Variants in THSD7B observed in about 807,000 individuals in gnomAD.
The protein encoded by THSD7B is thrombospondin type 1 domain containing 7B.
In THSD7B, 138 loss-of-function variants were observed where a neutral mutation model predicts 213.6. The ratio of observed to expected loss-of-function variants is 0.65; its 90% CI spans 0.56 to 0.74. The LOEUF (loss-of-function observed/expected upper bound fraction) is 0.74, where lower values mean the gene tolerates loss of function less well. THSD7B is among the 30% of genes least tolerant of loss of function. The probability of loss-of-function intolerance (pLI) is 0.00; values close to 1 mark genes in which losing one functional copy is unlikely to be tolerated. For missense variants in THSD7B, 1,931 were observed against 1,991.5 expected (o/e 0.97, Z 0.58); for synonymous variants, 742 against 687.0 (o/e 1.08, Z -1.25).
At chr2:136,944,327 G>A (rs1469984899) in intron 2 of THSD7B, among the ~76,000 whole-genome samples, 2 of 152,226 alleles carry the variant, frequency 1.3e-5, no homozygotes, top group African/African-American at 4.8e-5. Flanking sequence ...TGGAATAAGT[G>A]TGATGTGGAG....
Position 137,370,075 on chromosome 2 carries a change from C to T in THSD7B, c.2501-35538C>T, listed in dbSNP as rs185308111. On this transcript the variant is annotated intron_variant, in intron 12 of 27. Transcript: ENST00000409968. ...AGGAAAGAAATACAAACGTATGCTC[C>T]TTTATATTTTATTGACAAAAGTAGG... Among the ~76,000 whole-genome samples the T allele has an allele frequency of 1.1e-4, 16 of 151,842 alleles. No homozygotes were observed. In the East Asian group the frequency reaches 2.7e-3, roughly 26 times the overall value.
chr2:136,806,629 C>T lies in THSD7B; in HGVS notation c.-36+40942C>T, dbSNP rs186043582. On this transcript the variant is annotated intron_variant, in intron 1 of 27. Coordinates refer to ENST00000409968, the MANE Select transcript of THSD7B (RefSeq NM_001316349.2). ...AAAGAGTTCCCATATACCCAGTGCC[C>T]GGTTTCCCCTGTTGTAACATCTTAC... 2.1e-4 allele frequency among the ~76,000 whole-genome samples: 32 copies of T among 152,228 alleles called. No homozygotes were observed. In the South Asian group the frequency reaches 2.3e-3, roughly 11 times the overall value.
intron 9 of THSD7B, among the ~76,000 whole-genome samples, chr2:137,233,548 A>G (rs1211069412): frequency 6.6e-6 from 1 of 152,198 alleles, no homozygotes. Context: ...TCTCTCCTGC[A>G]TTAAATAGAT....
At position 137,590,797 on chromosome 2, in the gene THSD7B, T is replaced by G. The variant is rs1428523778; in HGVS notation, c.3423+18241T>G. On this transcript the variant is annotated intron_variant, in intron 17 of 27. Coordinates refer to ENST00000409968, the MANE Select transcript of THSD7B (RefSeq NM_001316349.2). ...TTTCCCTCTGCTTTGAAATAGTTTTTTTTTTTTTTTTTTTTTAGCTAAGGA... is the reference window on the plus strand; with the variant it reads ...TTTCCCTCTGCTTTGAAATAGTTTTGTTTTTTTTTTTTTTTTAGCTAAGGA... Among the ~76,000 whole-genome samples, 3 of 145,540 alleles carry G rather than the reference T, an allele frequency of 2.1e-5. No individual in the cohort carries two copies. The East Asian group carries it at 5.9e-4, about 29-fold the overall frequency.
chr2:136,903,108 C>G (rs1684089594), intron 2 of THSD7B, among the ~76,000 whole-genome samples: 1 of 152,086 alleles, frequency 6.6e-6, no homozygotes, highest in African/African-American at 2.4e-5. Context: ...TTTACGATGG[C>G]CCTTGCCAGA....
intron 25 of THSD7B, among the ~76,000 whole-genome samples, chr2:137,662,756 A>G (rs1019070751): frequency 6.6e-6 from 1 of 152,172 alleles, no homozygotes; most frequent in Non-Finnish European, 1.5e-5. Context: ...AAACATCTCC[A>G]TAAGAGAGGA....
At chr2:137,063,041 A>T (rs1210895143) in intron 3 of THSD7B, among the ~76,000 whole-genome samples, 1 of 151,798 alleles carries the variant, frequency 6.6e-6, no homozygotes, top group African/African-American at 2.4e-5. Flanking sequence ...TCTCTTTATT[A>T]TTATGTAATG....
chr2:137,274,418 A>G (rs906121703), intron 11 of THSD7B, among the ~76,000 whole-genome samples: 1 of 152,064 alleles, frequency 6.6e-6, no homozygotes, highest in South Asian at 2.1e-4. Context: ...CTCTCAACAC[A>G]TTAAGTAGCT....
At chr2:136,932,004 T>G (rs1187432424) in intron 2 of THSD7B, among the ~76,000 whole-genome samples, 2 of 152,302 alleles carry the variant, frequency 1.3e-5, no homozygotes, top group African/African-American at 4.8e-5. Context: ...AAAATTATAT[T>G]TAACATAGAT....
intron 1 of THSD7B, among the ~76,000 whole-genome samples, chr2:136,873,067 ATGTT>A (rs1471579175): frequency 1.3e-5 from 2 of 150,736 alleles, no homozygotes; most frequent in Non-Finnish European, 3.0e-5. Flanking sequence ...GAATATAGCA[ATGTT>A]TGTCACAGAT....
rs561163811 is a variant in THSD7B, at chr2:137,217,800, G to A, written c.1724-13244G>A. ...AGCCAAGTACTGTTCTAAGAAGTGG[G>A]GATTCAGAAATACATAAGATACATC... On this transcript the variant is annotated intron_variant, in intron 7 of 27. Transcript: ENST00000409968. Among the ~76,000 whole-genome samples the A allele has an allele frequency of 1.3e-5, 2 of 152,156 alleles. 1 individual carries two copies. Among genetic ancestry groups the A allele is most frequent in the South Asian group, 4.1e-4 (2 of 4,824 alleles).
At chr2:137,564,384 A>C (rs1681189336) in intron 16 of THSD7B, among the ~76,000 whole-genome samples, 1 of 152,182 alleles carries the variant, frequency 6.6e-6, no homozygotes. Flanking sequence ...CTGCTAGCAA[A>C]ATTAGAAAGT....
rs567499626 is a variant in THSD7B, at chr2:137,281,817, G to T, written c.2500+5791G>T. Among the ~76,000 whole-genome samples the T allele has an allele frequency of 5.0e-3, 760 of 152,156 alleles. 6 individuals carry two copies. The highest frequency in any genetic ancestry group is 0.017 in the African/African-American group (721 of 41,498). Reference sequence around the variant, plus strand: ...CCAGTCTATCATTGTTGGACATTTGGGTTGGTTCCAAGTCATTGCTATTGT... The same window carrying T: ...CCAGTCTATCATTGTTGGACATTTGTGTTGGTTCCAAGTCATTGCTATTGT... On this transcript the variant is annotated intron_variant, in intron 12 of 27. Transcript: ENST00000409968.
intron 5 of THSD7B, among the ~76,000 whole-genome samples, chr2:137,126,629 A>C (rs1263547362): frequency 6.6e-6 from 1 of 152,154 alleles, no homozygotes. Flanking sequence ...CTTTCTCATC[A>C]TTCATGTGTT....
intron 1 of THSD7B, among the ~76,000 whole-genome samples, chr2:136,865,283 C>A (rs981568912): frequency 6.6e-6 from 1 of 152,176 alleles, no homozygotes; most frequent in African/African-American, 2.4e-5. Context: ...TGAGAAGAGA[C>A]AAGGCTTGGA....
intron 3 of THSD7B, among the ~76,000 whole-genome samples, chr2:137,059,212 T>G (rs1594578): frequency 0.39 from 59,132 of 151,758 alleles, 13,689 homozygotes; most frequent in African/African-American, 0.65. Context: ...TCTTATAAGG[T>G]CACCAATCCT....
chr2:136,811,773 T>C (rs534921141), intron 1 of THSD7B, among the ~76,000 whole-genome samples: 1 of 152,314 alleles, frequency 6.6e-6, no homozygotes, highest in Non-Finnish European at 1.5e-5. Flanking sequence ...GATTTCTGGG[T>C]TCTGCTGAAA....
At chr2:137,160,477 T>G in intron 6 of THSD7B, 109 bp downstream of exon 6, 2 of 1,389,796 alleles carry the variant, frequency 1.4e-6, no homozygotes, top group South Asian at 3.0e-5. Flanking sequence ...TTTGTAAAAT[T>G]TAGATAACCA....
chr2:137,332,104 G>A (rs1052954767), intron 12 of THSD7B, among the ~76,000 whole-genome samples: 1 of 152,148 alleles, frequency 6.6e-6, no homozygotes, highest in Non-Finnish European at 1.5e-5. Flanking sequence ...CAAAGTGGAA[G>A]CCCAGGCAGA....
Sources: gnomAD v4.1 joint callset for allele counts (sites outside exome capture counted in the v4.1 genomes callset) on GRCh38, gnomAD v4.1.1 for gene constraint, MANE v1.5 for transcripts, NCBI Gene and HGNC (gene_info 2026-07-23, HGNC 2026-07-21) for gene names.